EHMT1: variants seen among roughly 807,000 people sequenced by gnomAD.
EHMT1 encodes the protein histone-lysine N-methyltransferase EHMT1.
In EHMT1, 15 loss-of-function variants were observed where a neutral mutation model predicts 147.2. That is an observed-to-expected ratio of 0.10 (90% CI 0.07 to 0.16). The LOEUF (loss-of-function observed/expected upper bound fraction) is 0.16, where lower values mean the gene tolerates loss of function less well. Ranked by LOEUF, EHMT1 falls within the 10% of genes least tolerant of loss-of-function variation. The pLI is 1.00. For missense variants in EHMT1, 1,587 were observed against 1,772.4 expected (o/e 0.90, Z 1.88); for synonymous variants, 795 against 709.6 (o/e 1.12, Z -1.91).
At chr9:137,790,593 C>T (rs546940107) in intron 15 of EHMT1, among the ~76,000 whole-genome samples, 2 of 152,270 alleles carry the variant, frequency 1.3e-5, no homozygotes, top group East Asian at 1.9e-4. Flanking sequence ...TGTCACACTC[C>T]TGAGCTATAA....
chr9:137,654,027 G>T (rs1432340866), intron 1 of EHMT1, among the ~76,000 whole-genome samples: 1 of 152,154 alleles, frequency 6.6e-6, no homozygotes, highest in East Asian at 1.9e-4. Context: ...CGGTGTCCTA[G>T]CACTGTTTGC....
chr9:137,647,681 G>C (rs1341291694), intron 1 of EHMT1, among the ~76,000 whole-genome samples: 1 of 146,744 alleles, frequency 6.8e-6, no homozygotes. Flanking sequence ...TGAAACCTCC[G>C]CCTCCCAGGT....
At chr9:137,756,936 A>G (rs1162250341) in intron 8 of EHMT1, among the ~76,000 whole-genome samples, 1 of 152,162 alleles carries the variant, frequency 6.6e-6, no homozygotes, top group Non-Finnish European at 1.5e-5. Flanking sequence ...CTTGAATGAA[A>G]AGACTGGTTA....
chr9:137,658,375 G>A (rs749109268), intron 1 of EHMT1, among the ~76,000 whole-genome samples: 1 of 151,988 alleles, frequency 6.6e-6, no homozygotes, highest in East Asian at 1.9e-4. Flanking sequence ...GGTGTCGAAC[G>A]CCTGAGCTCA....
At chr9:137,634,248 T>C (rs1843817967) in intron 1 of EHMT1, among the ~76,000 whole-genome samples, 1 of 152,248 alleles carries the variant, frequency 6.6e-6, no homozygotes, top group Non-Finnish European at 1.5e-5. Context: ...CCAGGGAGTT[T>C]ATGTTTCCTT....
chr9:137,710,858 T>G, intron 1 of EHMT1, 109 bp from the exon 2 acceptor site: 1 of 1,241,742 alleles, frequency 8.1e-7, no homozygotes, highest in Non-Finnish European at 1.1e-6. Context: ...GTCCAGCAGC[T>G]CATGGTGAAT....
chr9:137,623,573 C>T (rs891889521), intron 1 of EHMT1, among the ~76,000 whole-genome samples: 3 of 151,970 alleles, frequency 2.0e-5, no homozygotes, highest in African/African-American at 7.2e-5. Context: ...TGCTACCACG[C>T]CTGTGCCTGG....
chr9:137,776,950 A>AGGTGAT lies in EHMT1; in HGVS notation c.2018+107_2018+108insGTGATG. The AGGTGAT allele has an allele frequency of 1.9e-6, 2 of 1,047,786 alleles. No homozygotes were observed. The highest frequency in any genetic ancestry group is 2.8e-6 in the Non-Finnish European group (2 of 704,622). 64.9% of individuals were successfully genotyped at this position (1,047,786 alleles called of 1,614,324 possible). ...CTGCTGTTTTTTCCAGAAGTCTCTGAGCTGATGCTGATGCTTATGGTGATT... is the reference window on the plus strand; with the variant it reads ...CTGCTGTTTTTTCCAGAAGTCTCTGAGGTGATGCTGATGCTGATGCTTATGGTGATT... On this transcript the variant is annotated intron_variant, in intron 12 of 26. Coordinates refer to ENST00000460843, the MANE Select transcript of EHMT1 (RefSeq NM_024757.5). The surrounding 1 kb of genome is among the most constrained non-coding windows in gnomAD (Gnocchi z 4.4).
chr9:137,700,435 C>G (rs1326732731), intron 1 of EHMT1, among the ~76,000 whole-genome samples: 2 of 152,130 alleles, frequency 1.3e-5, no homozygotes, highest in Non-Finnish European at 2.9e-5. Context: ...ATCCTTTTTT[C>G]TCCAGCCACA....
At chr9:137,798,534 A>G (rs759736225) in intron 16 of EHMT1, among the ~76,000 whole-genome samples, 3 of 152,124 alleles carry the variant, frequency 2.0e-5, no homozygotes, top group Admixed American at 1.3e-4. Flanking sequence ...TTTGCCATCT[A>G]TTATTTTAAG....
intron 1 of EHMT1, among the ~76,000 whole-genome samples, chr9:137,671,864 C>T (rs894208355): frequency 6.6e-6 from 1 of 152,130 alleles, no homozygotes; most frequent in Non-Finnish European, 1.5e-5. Flanking sequence ...GAAATAAGGA[C>T]CCCAACCCTG....
rs371915059 is a variant in EHMT1, at chr9:137,723,175, T to C, written c.643-5174T>C. Reference sequence around the variant, plus strand: ...CTGTGTCCGTGGTTCTGGGCCTGAGTCCGGGGTGTGCCTGTGTCTGTGGTT... The same window carrying C: ...CTGTGTCCGTGGTTCTGGGCCTGAGCCCGGGGTGTGCCTGTGTCTGTGGTT... On this transcript the variant is annotated intron_variant, in intron 3 of 26. Coordinates refer to ENST00000460843, the MANE Select transcript of EHMT1 (RefSeq NM_024757.5). Among the ~76,000 whole-genome samples, 317 of 65,732 alleles carry C rather than the reference T, an allele frequency of 4.8e-3. 2 individuals carry two copies. The highest frequency in any genetic ancestry group is 9.4e-3 in the African/African-American group (163 of 17,326). The allele number at this position is 65,732 out of a possible 152,430, so 43.1% of individuals were successfully genotyped here. A position where few individuals can be genotyped will look rare whatever the true frequency, so the allele number is the denominator to read the frequency against.
chr9:137,674,474 GC>G (rs1197417338), intron 1 of EHMT1, among the ~76,000 whole-genome samples: 2 of 152,186 alleles, frequency 1.3e-5, no homozygotes, highest in African/African-American at 2.4e-5. Context: ...GTCCCCAGAT[GC>G]CCTGACTCTC....
chr9:137,624,714 A>G (rs1247999187), intron 1 of EHMT1, among the ~76,000 whole-genome samples: 1 of 151,974 alleles, frequency 6.6e-6, no homozygotes, highest in Non-Finnish European at 1.5e-5. Context: ...CATCCGCCTC[A>G]GCCTCCCAAA....
intron 4 of EHMT1, among the ~76,000 whole-genome samples, chr9:137,740,984 T>G (rs1948010370): frequency 6.7e-6 from 1 of 149,552 alleles, no homozygotes; most frequent in South Asian, 2.1e-4. Flanking sequence ...TGATTTTTTT[T>G]TTGTTTGTTT....
At chr9:137,665,431 C>T (rs1408896564) in intron 1 of EHMT1, among the ~76,000 whole-genome samples, 2 of 152,122 alleles carry the variant, frequency 1.3e-5, no homozygotes, top group Non-Finnish European at 2.9e-5. Flanking sequence ...AGAAGCATTG[C>T]CCTGAGACCC....
chr9:137,634,856 C>T (rs1305292532), intron 1 of EHMT1, among the ~76,000 whole-genome samples: 1 of 147,632 alleles, frequency 6.8e-6, no homozygotes, highest in Admixed American at 6.8e-5. Flanking sequence ...GCGCCCCCAC[C>T]ATGCCCAGCT....
intron 10 of EHMT1, among the ~76,000 whole-genome samples, chr9:137,767,519 C>G (rs1189339261): frequency 6.6e-6 from 1 of 152,060 alleles, no homozygotes; most frequent in Non-Finnish European, 1.5e-5. Flanking sequence ...ATCCCAAATT[C>G]AAAAATCTGA....
intron 8 of EHMT1, among the ~76,000 whole-genome samples, chr9:137,754,826 T>C (rs7024860): frequency 0.023 from 3,455 of 152,244 alleles, 146 homozygotes; most frequent in African/African-American, 0.077. Flanking sequence ...CCCAACTTCA[T>C]TGTTGAATGT....
Sources: gnomAD v4.1 joint callset for allele counts (sites outside exome capture counted in the v4.1 genomes callset) on GRCh38, gnomAD v4.1.1 for gene constraint, Gnocchi (gnomAD v3.1) non-coding constraint, MANE v1.5 for transcripts, NCBI Gene and HGNC (gene_info 2026-07-23, HGNC 2026-07-21) for gene names.